The following SMYD3 variants were observed in gnomAD, a reference collection of about 807,000 sequenced individuals.
The protein encoded by SMYD3 is histone-lysine N-methyltransferase SMYD3.
Under a neutral mutation model 57.7 loss-of-function variants are expected in SMYD3, and 36 were observed. The ratio of observed to expected loss-of-function variants is 0.62; its 90% CI spans 0.48 to 0.82. The LOEUF is 0.82. SMYD3 is among the 40% of genes least tolerant of loss of function. The pLI is 0.00. For missense variants in SMYD3, 515 were observed against 538.8 expected, an observed-to-expected ratio of 0.96 and a Z score of 0.44; for synonymous variants, 211 against 195.0, an observed-to-expected ratio of 1.08 and a Z score of -0.68.
chr1:245,890,229 ATGGG>A (rs1369606099), intron 8 of SMYD3, among the ~76,000 whole-genome samples: 11 of 152,220 alleles, frequency 7.2e-5, no homozygotes, highest in African/African-American at 2.4e-4. Flanking sequence ...AAATGGACAA[ATGGG>A]ATCACATCAA....
At chr1:245,805,528 G>T (rs2048108027) in intron 10 of SMYD3, among the ~76,000 whole-genome samples, 1 of 152,194 alleles carries the variant, frequency 6.6e-6, no homozygotes, top group African/African-American at 2.4e-5. Context: ...CTGTTCATTT[G>T]TGTCTTAAGT....
At chr1:245,987,205 A>C (rs867969263) in intron 5 of SMYD3, among the ~76,000 whole-genome samples, 2 of 152,234 alleles carry the variant, frequency 1.3e-5, no homozygotes, top group Non-Finnish European at 1.5e-5. Context: ...ATGTTCCCAT[A>C]ATCAGCCACT....
intron 5 of SMYD3, chr1:246,193,564 T>A (rs1207514264): frequency 6.6e-6 from 1 of 152,402 alleles, no homozygotes; most frequent in African/African-American, 2.4e-5. Flanking sequence ...CCCACCCCCA[T>A]CACACTGGCA....
chr1:245,856,622 T>C (rs1460639144), intron 10 of SMYD3, among the ~76,000 whole-genome samples: 1 of 152,124 alleles, frequency 6.6e-6, no homozygotes, highest in African/African-American at 2.4e-5. Flanking sequence ...CCCTGGTAGA[T>C]GTGGGGAAGA....
At chr1:245,806,916 CAAAAAAAAAAAAAAA>C (rs112012738) in intron 10 of SMYD3, among the ~76,000 whole-genome samples, 3 of 41,318 alleles carry the variant, frequency 7.3e-5, no homozygotes, top group African/African-American at 9.1e-5. Context: ...GACTCCGTCT[CAAAAAAAAAAAAAAA>C]AAAAAAAAAA....
intron 5 of SMYD3, among the ~76,000 whole-genome samples, chr1:246,010,906 C>T (rs946801121): frequency 1.3e-5 from 2 of 152,164 alleles, no homozygotes; most frequent in Non-Finnish European, 2.9e-5. Context: ...CCTAGTTTGA[C>T]AGTCTCCTAG....
intron 5 of SMYD3, among the ~76,000 whole-genome samples, chr1:246,210,273 T>C (rs1223219705): frequency 1.3e-5 from 2 of 152,102 alleles, no homozygotes; most frequent in African/African-American, 4.8e-5. Flanking sequence ...GTGCCTACCA[T>C]CACACGCATA....
rs531851841 is a variant in SMYD3 at position 246,156,734 on chromosome 1, G to A, written c.531+170467C>T. Among the ~76,000 whole-genome samples the A allele has an allele frequency of 2.6e-5, 4 of 152,260 alleles. No homozygotes were observed. The East Asian group carries it at 7.7e-4, about 29-fold the overall frequency. The stretch of plus-strand genomic sequence containing the variant: ...GTGTTTTGGGGAGCAAAGAAAACGG[G>A]CACCTTAATCAGACTACGAAAGGGA... On this transcript the variant is annotated intron_variant, in intron 5 of 11. Transcript: ENST00000490107.
intron 5 of SMYD3, among the ~76,000 whole-genome samples, chr1:246,301,073 A>G (rs1024995636): frequency 2.0e-5 from 3 of 152,194 alleles, no homozygotes; most frequent in Admixed American, 2.0e-4. Flanking sequence ...TGACTGTGTG[A>G]AAAGTATTAA....
chr1:245,931,073 C>G (rs72768769), intron 5 of SMYD3, among the ~76,000 whole-genome samples: 1 of 152,184 alleles, frequency 6.6e-6, no homozygotes, highest in Admixed American at 6.5e-5. Flanking sequence ...GGGCAAAACA[C>G]GAGCTCAAAG....
chr1:246,395,859 T>A (rs2066662324), intron 1 of SMYD3, among the ~76,000 whole-genome samples: 1 of 150,760 alleles, frequency 6.6e-6, no homozygotes, highest in South Asian at 2.1e-4. Context: ...AGGAGCCCGA[T>A]CGCTGCCTCT....
intron 5 of SMYD3, among the ~76,000 whole-genome samples, chr1:246,274,486 G>A (rs2064290132): frequency 6.6e-6 from 1 of 152,132 alleles, no homozygotes; most frequent in African/African-American, 2.4e-5. Flanking sequence ...GAATGCTGTG[G>A]ACTCCATTCT....
chr1:246,347,455 G>C (rs1390469854), intron 2 of SMYD3, among the ~76,000 whole-genome samples: 1 of 152,150 alleles, frequency 6.6e-6, no homozygotes, highest in Non-Finnish European at 1.5e-5. Context: ...CTAAAGATAA[G>C]TATATGTCTG....
At chr1:245,889,819 C>CA (rs1377226195) in intron 8 of SMYD3, among the ~76,000 whole-genome samples, 4 of 152,160 alleles carry the variant, frequency 2.6e-5, no homozygotes, top group Non-Finnish European at 4.4e-5. Context: ...GAAGGAATCA[C>CA]ATTACCTGAC....
chr1:246,407,974 C>G lies in SMYD3; in HGVS notation c.165-52880G>C, dbSNP rs1482049046. On this transcript the variant is annotated intron_variant, in intron 1 of 11. Transcript: ENST00000490107. ...TGCTCATTCAGTGTAAATGAAGAAACCTGAGGGCAGGTTTCTTCATTTACA... is the reference window on the plus strand; with the variant it reads ...TGCTCATTCAGTGTAAATGAAGAAAGCTGAGGGCAGGTTTCTTCATTTACA... 2.0e-5 allele frequency among the ~76,000 whole-genome samples: 3 copies of G among 151,546 alleles called. No homozygotes were observed. In the East Asian group the frequency reaches 5.8e-4, roughly 29 times the overall value.
chr1:245,910,641 G>A (rs1189003629), intron 8 of SMYD3, among the ~76,000 whole-genome samples: 3 of 151,972 alleles, frequency 2.0e-5, no homozygotes, highest in Non-Finnish European at 4.4e-5. Context: ...AGTCAATGGA[G>A]TTTCAAGAAA....
chr1:245,960,794 T>C (rs1038373245), intron 5 of SMYD3, among the ~76,000 whole-genome samples: 2 of 152,224 alleles, frequency 1.3e-5, no homozygotes, highest in African/African-American at 2.4e-5. Flanking sequence ...CCTGAATTTA[T>C]AGAATCGTTA....
At chr1:246,409,772 A>G (rs2066931266) in intron 1 of SMYD3, among the ~76,000 whole-genome samples, 1 of 152,118 alleles carries the variant, frequency 6.6e-6, no homozygotes, top group African/African-American at 2.4e-5. Flanking sequence ...TGGGCAGTAT[A>G]GCTTTTTTCA....
chr1:246,264,848 A>G (rs1169040602), intron 5 of SMYD3, among the ~76,000 whole-genome samples: 1 of 152,236 alleles, frequency 6.6e-6, no homozygotes, highest in Non-Finnish European at 1.5e-5. Context: ...ACTATTTACT[A>G]AGTGCTATGT....
Sources: allele counts gnomAD v4.1 joint callset (sites outside exome capture counted in the v4.1 genomes callset), GRCh38; gene constraint gnomAD v4.1.1; transcripts MANE v1.5; gene names NCBI Gene and HGNC (gene_info 2026-07-23, HGNC 2026-07-21).